The following CLDN14 variants were observed in gnomAD, a reference collection of about 807,000 sequenced individuals.
The protein encoded by CLDN14 is claudin-14.
Under a neutral mutation model 2.1 loss-of-function variants are expected in CLDN14, and 2 were observed. The observed-to-expected ratio is 0.96, with a 90% CI of 0.39 to 3.01. CLDN14 has a LOEUF of 3.01. CLDN14 is among the 30% of genes most tolerant of loss of function. CLDN14 has a pLI of 0.09. For synonymous variants in CLDN14, 136 were observed against 154.4 expected (o/e 0.88, Z 0.88); for missense variants, 298 against 328.0 (o/e 0.91, Z 0.71).
intron 1 of CLDN14, among the ~76,000 whole-genome samples, chr21:36,534,763 C>T (rs2087410973): frequency 6.6e-6 from 1 of 152,194 alleles, no homozygotes; most frequent in Admixed American, 6.5e-5. Flanking sequence ...TTCAATCCTG[C>T]TCTTGCTCAT....
intron 2 of CLDN14, among the ~76,000 whole-genome samples, chr21:36,506,552 G>A (rs1199298332): frequency 1.3e-5 from 2 of 151,474 alleles, no homozygotes; most frequent in East Asian, 1.9e-4. Flanking sequence ...AGCCGAGATC[G>A]GGCCACTTCA....
chr21:36,525,675 A>G (rs1225332163), intron 1 of CLDN14, among the ~76,000 whole-genome samples: 1 of 152,186 alleles, frequency 6.6e-6, no homozygotes, highest in African/African-American at 2.4e-5. Context: ...TGTGGCAGCC[A>G]CATGTGTGGT....
In CLDN14 at chr21:36,539,640, C is replaced by A. The variant is rs111213024; in HGVS notation, c.-219-29140G>T. 1.1e-3 allele frequency among the ~76,000 whole-genome samples: 110 copies of A among 97,756 alleles called. 1 individual carries two copies. Among genetic ancestry groups the A allele is most frequent in the African/African-American group, 4.0e-3 (100 of 24,810 alleles). The allele number at this position is 97,756 out of a possible 152,430, so 64.1% of individuals were successfully genotyped here. On this transcript the variant is annotated intron_variant, in intron 1 of 2. Coordinates refer to the CLDN14 transcript ENST00000342108. Reference sequence around the variant, plus strand: ...GGAGTGTGTGTGGAGTGAGTGTGTGCGGAGTGTGTGTGTAGTGAGTATGTG... The same window carrying A: ...GGAGTGTGTGTGGAGTGAGTGTGTGAGGAGTGTGTGTGTAGTGAGTATGTG...
intron 1 of CLDN14, among the ~76,000 whole-genome samples, chr21:36,571,198 G>A (rs1447136638): frequency 1.3e-5 from 2 of 152,224 alleles, no homozygotes; most frequent in African/African-American, 4.8e-5. Flanking sequence ...AATGTTCTTG[G>A]AGGTTTTGTG....
In CLDN14 at chr21:36,551,330, GA is replaced by G. The variant is rs983812589; in HGVS notation, c.-220+25080del. 1.3e-5 allele frequency among the ~76,000 whole-genome samples: 2 copies of G among 152,224 alleles called. No homozygotes were observed. Among genetic ancestry groups the G allele is most frequent in the Non-Finnish European group, 2.9e-5 (2 of 68,042 alleles). On this transcript the variant is annotated intron_variant, in intron 1 of 2. Transcript: ENST00000342108. The surrounding 1 kb of genome is among the most constrained non-coding windows in gnomAD (Gnocchi z 4.8). Reference sequence around the variant, plus strand: ...CCGAGCAGATGCACTGTTCCCTGCGGACAGGATTTATTCCTGGAGCCTCTGC... The same window carrying G: ...CCGAGCAGATGCACTGTTCCCTGCGGCAGGATTTATTCCTGGAGCCTCTGC...
chr21:36,541,382 T>C (rs2087487206), intron 1 of CLDN14, among the ~76,000 whole-genome samples: 1 of 152,086 alleles, frequency 6.6e-6, no homozygotes, highest in Non-Finnish European at 1.5e-5. Flanking sequence ...AAGAGCCAAG[T>C]AACAAAAGGA....
rs111403142 is a variant in CLDN14, at chr21:36,534,189, C to T, written c.-219-23689G>A. ...CGATCTCAGCTCACTGCAAACTCCG[C>T]CTCCCGGGTTCAAGCGATTCTCCTG... On this transcript the variant is annotated intron_variant, in intron 1 of 2. Coordinates refer to the CLDN14 transcript ENST00000342108. 2.7e-3 allele frequency among the ~76,000 whole-genome samples: 412 copies of T among 152,172 alleles called. 1 individual carries two copies. The highest frequency in any genetic ancestry group is 9.6e-3 in the African/African-American group (400 of 41,482).
chr21:36,513,097 A>C (rs370493618), intron 1 of CLDN14, among the ~76,000 whole-genome samples: 2 of 152,164 alleles, frequency 1.3e-5, no homozygotes, highest in Admixed American at 1.3e-4. Context: ...GTGTCTCACG[A>C]GATATCTGGA....
At chr21:36,530,300 G>A (rs2087369305) in intron 1 of CLDN14, among the ~76,000 whole-genome samples, 1 of 151,824 alleles carries the variant, frequency 6.6e-6, no homozygotes, top group Non-Finnish European at 1.5e-5. Context: ...GATGGGGACA[G>A]TGGCGGGGGG....
At chr21:36,502,060 A>G (rs2087096627) in intron 2 of CLDN14, among the ~76,000 whole-genome samples, 1 of 152,066 alleles carries the variant, frequency 6.6e-6, no homozygotes, top group Admixed American at 6.6e-5. Flanking sequence ...TAATGGTGCT[A>G]TTCTTTCTTG....
At chr21:36,547,000 A>G (rs1407527252) in intron 1 of CLDN14, among the ~76,000 whole-genome samples, 1 of 152,218 alleles carries the variant, frequency 6.6e-6, no homozygotes, top group Non-Finnish European at 1.5e-5. Flanking sequence ...ATGCTGCTCA[A>G]TGCCCTACAA....
intron 1 of CLDN14, among the ~76,000 whole-genome samples, chr21:36,550,369 C>T (rs2087554872): frequency 2.0e-5 from 3 of 152,220 alleles, no homozygotes; most frequent in Admixed American, 6.5e-5. Context: ...CCCCTGACCC[C>T]AAAAGTCGAA....
upstream of CLDN14, among the ~76,000 whole-genome samples, chr21:36,483,727 G>C (rs771027108): frequency 5.3e-5 from 8 of 152,194 alleles, no homozygotes; most frequent in Non-Finnish European, 1.0e-4. Flanking sequence ...ATCCATCGTA[G>C]GTATTGCCGA....
In CLDN14 at chr21:36,553,076, A is replaced by T. The variant is rs545649614; in HGVS notation, c.-220+23335T>A. On this transcript the variant is annotated intron_variant, in intron 1 of 2. Coordinates refer to the CLDN14 transcript ENST00000342108. ...CTTGGGCCTCAACAGGAGAGTGCGC[A>T]ACAGATGGGAGCTAAAGCATTGGCT... Among the ~76,000 whole-genome samples the T allele has an allele frequency of 2.0e-5, 3 of 152,290 alleles. No individual in the cohort carries two copies. In the East Asian group the frequency reaches 5.8e-4, roughly 29 times the overall value.
intron 1 of CLDN14, among the ~76,000 whole-genome samples, chr21:36,547,573 C>T (rs1267906144): frequency 2.0e-5 from 3 of 152,184 alleles, no homozygotes; most frequent in African/African-American, 7.2e-5. Flanking sequence ...GCGGCCGCTG[C>T]TCCCGGCATG....
At chr21:36,518,789 G>T (rs1244749233) in intron 1 of CLDN14, among the ~76,000 whole-genome samples, 1 of 152,158 alleles carries the variant, frequency 6.6e-6, no homozygotes, top group Non-Finnish European at 1.5e-5. Context: ...CAGAGAAAGG[G>T]CGACTATCAG....
chr21:36,513,289 C>A (rs1201713497), intron 1 of CLDN14, among the ~76,000 whole-genome samples: 1 of 152,138 alleles, frequency 6.6e-6, no homozygotes, highest in South Asian at 2.1e-4. Flanking sequence ...TTTCCTTCAA[C>A]AGGATAGCAC....
At chr21:36,496,494 A>G (rs1355092828) in intron 2 of CLDN14, among the ~76,000 whole-genome samples, 1 of 149,422 alleles carries the variant, frequency 6.7e-6, no homozygotes, top group Non-Finnish European at 1.5e-5. Flanking sequence ...ATCTGAAATG[A>G]TTTAGAAGCC....
Position 36,467,640 on chromosome 21 carries a change from A to C in CLDN14, c.-81-5864T>G, listed in dbSNP as rs899953271. 4.0e-5 allele frequency among the ~76,000 whole-genome samples: 6 copies of C among 151,092 alleles called. 1 individual carries two copies. Among genetic ancestry groups the C allele is most frequent in the African/African-American group, 1.5e-4 (6 of 40,980 alleles). On this transcript the variant is annotated intron_variant, in intron 1 of 1. Transcript: ENST00000399135. ...GGGGTGTCTCTAGTCAAATAAGTTT[A>C]ATGGATGCTGCATATGAGACCAGGC...
Sources: allele counts gnomAD v4.1 joint callset (sites outside exome capture counted in the v4.1 genomes callset), GRCh38; gene constraint gnomAD v4.1.1; non-coding constraint Gnocchi (gnomAD v3.1); transcripts MANE v1.5; gene names NCBI Gene and HGNC (gene_info 2026-07-23, HGNC 2026-07-21).